ANKAR: variants seen among roughly 807,000 people sequenced by gnomAD.
ANKAR encodes ankyrin and armadillo repeat containing.
ANKAR carries 136 observed loss-of-function variants against 146.2 expected under a neutral mutation model. That is an observed-to-expected ratio of 0.93 (90% CI 0.81 to 1.07). ANKAR has a LOEUF of 1.07. Among genes scored for constraint, ANKAR ranks in the 50% least tolerant of loss-of-function variants. ANKAR has a pLI of 0.00. For synonymous variants in ANKAR, 500 were observed against 575.8 expected, an observed-to-expected ratio of 0.87 and a Z score of 1.88; for missense variants, 1,567 against 1,679.9, an observed-to-expected ratio of 0.93 and a Z score of 1.18.
At chr2:189,712,330 AGACACCTCCCAGTAGGG>A (rs1315006089) in intron 10 of ANKAR, among the ~76,000 whole-genome samples, 1 of 152,196 alleles carries the variant, frequency 6.6e-6, no homozygotes, top group Non-Finnish European at 1.5e-5. Flanking sequence ...CCTAACTGGG[AGACACCTCCCAGTAGGG>A]GCCGACTGAC....
At chr2:189,694,355 G>A (rs1012634469) in intron 5 of ANKAR, among the ~76,000 whole-genome samples, 5 of 152,156 alleles carry the variant, frequency 3.3e-5, no homozygotes, top group Admixed American at 1.3e-4. Context: ...GCTGAAATCC[G>A]GGCATGGGAA....
chr2:189,685,538 T>G (rs984193414), intron 2 of ANKAR, among the ~76,000 whole-genome samples: 1 of 152,176 alleles, frequency 6.6e-6, no homozygotes, highest in Non-Finnish European at 1.5e-5. Flanking sequence ...GGCCCAGTAA[T>G]TCCAGTGCTT....
chr2:189,681,719 T>C (rs776392390), intron 2 of ANKAR, among the ~76,000 whole-genome samples: 1 of 152,174 alleles, frequency 6.6e-6, no homozygotes, highest in Non-Finnish European at 1.5e-5. Flanking sequence ...CATGGAGCTT[T>C]TCAGGTGATC....
At chr2:189,757,986 A>G (rs768233422) in intron 18 of ANKAR, among the ~76,000 whole-genome samples, 10 of 152,180 alleles carry the variant, frequency 6.6e-5, no homozygotes, top group Admixed American at 2.0e-4. Flanking sequence ...GTAATTCCCA[A>G]TGTTGAAGAT....
At chr2:189,759,115 G>T (rs2046560346) in intron 18 of ANKAR, among the ~76,000 whole-genome samples, 1 of 152,160 alleles carries the variant, frequency 6.6e-6, no homozygotes, top group Admixed American at 6.5e-5. Context: ...CAAGGACTTT[G>T]CAGTACTTCA....
chr2:189,709,384 G>T (rs2039395104), intron 9 of ANKAR, among the ~76,000 whole-genome samples: 1 of 152,164 alleles, frequency 6.6e-6, no homozygotes, highest in South Asian at 2.1e-4. Context: ...ATAAATCATA[G>T]AAGGTTATAG....
At chr2:189,704,447 T>G (rs2038550230) in intron 7 of ANKAR, among the ~76,000 whole-genome samples, 1 of 150,186 alleles carries the variant, frequency 6.7e-6, no homozygotes, top group Admixed American at 6.7e-5. Flanking sequence ...GCCCAGCCCA[T>G]TTTTGGGACT....
downstream of ANKAR, chr2:189,761,689 T>A: frequency 6.8e-7 from 1 of 1,470,188 alleles, no homozygotes; most frequent in Non-Finnish European, 9.0e-7. Flanking sequence ...AACAACTTAT[T>A]ATTTGCAACT....
chr2:189,690,160 C>T (rs2036173516), intron 3 of ANKAR, among the ~76,000 whole-genome samples, 196 bp downstream of exon 3: 1 of 151,724 alleles, frequency 6.6e-6, no homozygotes, highest in Admixed American at 6.6e-5. Context: ...ATATTTATAC[C>T]AATTATAAGG....
At chr2:189,678,174 C>T (rs1313022823) in intron 2 of ANKAR, among the ~76,000 whole-genome samples, 1 of 152,114 alleles carries the variant, frequency 6.6e-6, no homozygotes, top group Admixed American at 6.6e-5. Context: ...GTTTGATTTG[C>T]ATTTCTCTGA....
At position 189,733,230 on chromosome 2, in the gene ANKAR, G is replaced by A. The variant is rs766148115; in HGVS notation, c.3423+1G>A. 6 of 1,581,300 alleles carry A rather than the reference G, an allele frequency of 3.8e-6. No individual in the cohort carries two copies. The highest frequency in any genetic ancestry group is 4.3e-6 in the Non-Finnish European group (5 of 1,167,394). Reference sequence around the variant, plus strand: ...TTATCTTCTTCACTCAACAGAAAAGGTAATACCTTTACAAAATATTGAGGT... The same window carrying A: ...TTATCTTCTTCACTCAACAGAAAAGATAATACCTTTACAAAATATTGAGGT... On this transcript the variant is annotated splice_donor_variant, in intron 17 of 22. Transcript: ENST00000684021. LOFTEE classifies it high-confidence loss of function.
chr2:189,759,043 TATTA>T (rs902499304), intron 18 of ANKAR, among the ~76,000 whole-genome samples: 1 of 152,210 alleles, frequency 6.6e-6, no homozygotes, highest in African/African-American at 2.4e-5. Context: ...TGCCTTGCAC[TATTA>T]ATTCTCCTTG....
downstream of ANKAR, chr2:189,761,639 A>T: frequency 1.9e-6 from 3 of 1,582,572 alleles, no homozygotes; most frequent in South Asian, 3.5e-5. Context: ...CAAGATTAGC[A>T]TACTTACTCT....
intron 7 of ANKAR, among the ~76,000 whole-genome samples, chr2:189,704,331 ACCC>A (rs2038525836): frequency 6.7e-6 from 1 of 149,394 alleles, no homozygotes. Context: ...TTTTTAGTAG[ACCC>A]CAGTTTCACC....
At chr2:189,761,172 C>G in exon 19 of ANKAR, 1 of 318,304 alleles carries the variant, frequency 3.1e-6, no homozygotes, top group East Asian at 5.4e-5. Context: ...GAAGGAAAAT[C>G]AATAAATACG....
In ANKAR at chr2:189,733,102, T is replaced by A; in HGVS notation, c.3301-5T>A. 6.3e-7 allele frequency: 1 copy of A among 1,598,260 alleles called. No homozygotes were observed. The highest frequency in any genetic ancestry group is 2.2e-5 in the East Asian group (1 of 44,668). ...AAAAGTAATTTCTGAAAACCACATGTTTAGGTTGAAGTGGCATTTTCCTTG... is the reference window on the plus strand; with the variant it reads ...AAAAGTAATTTCTGAAAACCACATGATTAGGTTGAAGTGGCATTTTCCTTG... On this transcript the variant is annotated splice_polypyrimidine_tract_variant and splice_region_variant and intron_variant, in intron 16 of 22. Transcript: ENST00000684021.
At position 189,690,273 on chromosome 2, in the gene ANKAR, A is replaced by C. The variant is rs79839390; in HGVS notation, c.1039+309A>C. Among the ~76,000 whole-genome samples, 47 of 152,340 alleles carry C rather than the reference A, an allele frequency of 3.1e-4. No individual in the cohort carries two copies. In the East Asian group the frequency reaches 9.1e-3, roughly 29 times the overall value. ...ACTGTGAATGTATCATATCTCATTC[A>C]AATTACTCTATAAATTCAGTGTACT... On this transcript the variant is annotated intron_variant, in intron 3 of 22. Coordinates refer to ENST00000684021, the MANE Select transcript of ANKAR (RefSeq NM_001378068.1).
intron 9 of ANKAR, among the ~76,000 whole-genome samples, chr2:189,709,587 T>C (rs1416763054): frequency 2.0e-5 from 3 of 152,224 alleles, no homozygotes; most frequent in Admixed American, 6.5e-5. Context: ...AGAATGATTT[T>C]TTTCCAACAA....
At chr2:189,734,539 G>T (rs1426021362) in intron 17 of ANKAR, among the ~76,000 whole-genome samples, 1 of 152,154 alleles carries the variant, frequency 6.6e-6, no homozygotes, top group Non-Finnish European at 1.5e-5. Context: ...TTTCTACAGG[G>T]CATTTCACAA....
Sources: allele counts gnomAD v4.1 joint callset (sites outside exome capture counted in the v4.1 genomes callset), GRCh38; gene constraint gnomAD v4.1.1; transcripts MANE v1.5; gene names NCBI Gene and HGNC (gene_info 2026-07-23, HGNC 2026-07-21).